Variants in ADARB2 observed in about 807,000 individuals in gnomAD.
ADARB2 encodes the protein inactive double-stranded RNA-specific editase B2.
ADARB2 carries 25 observed loss-of-function variants against 62.2 expected under a neutral mutation model. The ratio of observed to expected loss-of-function variants is 0.40; its 90% CI spans 0.29 to 0.56. ADARB2 has a LOEUF of 0.56. Among genes scored for constraint, ADARB2 ranks in the 20% least tolerant of loss-of-function variants. The probability of loss-of-function intolerance (pLI) is 0.43; values close to 1 mark genes in which losing one functional copy is unlikely to be tolerated. For missense variants in ADARB2, 1,071 were observed against 1,077.4 expected (o/e 0.99, Z 0.08); for synonymous variants, 572 against 500.8 (o/e 1.14, Z -1.90).
chr10:1,412,465 A>ATTG (rs1395094676), intron 1 of ADARB2, among the ~76,000 whole-genome samples: 114 of 152,042 alleles, frequency 7.5e-4, no homozygotes, highest in African/African-American at 2.6e-3. Flanking sequence ...TATTATTATT[A>ATTG]TTTTTGCTTT....
chr10:1,607,450 C>T (rs1833507110), intron 1 of ADARB2, among the ~76,000 whole-genome samples: 1 of 152,206 alleles, frequency 6.6e-6, no homozygotes, highest in African/African-American at 2.4e-5. Flanking sequence ...TTCTCATCAC[C>T]TAATGCTGTG....
chr10:1,568,289 C>T (rs74121066), intron 1 of ADARB2, among the ~76,000 whole-genome samples: 4,941 of 152,198 alleles, frequency 0.032, 269 homozygotes, highest in African/African-American at 0.11. Context: ...TGCCAGGAAA[C>T]GCTCAGCGGG....
chr10:1,369,663 T>A (rs1031398470), intron 2 of ADARB2, among the ~76,000 whole-genome samples: 2 of 151,924 alleles, frequency 1.3e-5, no homozygotes, highest in African/African-American at 4.8e-5. Context: ...AAATACATTT[T>A]AAAAAGTCAG....
intron 1 of ADARB2, among the ~76,000 whole-genome samples, chr10:1,618,126 GGTGTACCTAA>G (rs1228847900): frequency 6.6e-6 from 1 of 152,146 alleles, no homozygotes; most frequent in Non-Finnish European, 1.5e-5. Context: ...TGCCCAAACA[GGTGTACCTAA>G]GTTCCAGCCT....
intron 7 of ADARB2, among the ~76,000 whole-genome samples, chr10:1,211,899 A>C (rs1310955181): frequency 6.6e-6 from 1 of 152,206 alleles, no homozygotes; most frequent in Non-Finnish European, 1.5e-5. Context: ...TTCTAAGTTT[A>C]TGTAATTTAG....
intron 1 of ADARB2, among the ~76,000 whole-genome samples, chr10:1,558,135 G>A (rs1232561344): frequency 2.6e-5 from 4 of 151,956 alleles, no homozygotes; most frequent in African/African-American, 9.7e-5. Context: ...GAACCCTCAC[G>A]TCTCCATCCT....
intron 3 of ADARB2, among the ~76,000 whole-genome samples, chr10:1,324,221 G>C (rs376696937): frequency 6.6e-6 from 1 of 152,194 alleles, no homozygotes; most frequent in Admixed American, 6.5e-5. Flanking sequence ...CACACATCAC[G>C]GAATGGCTGT....
intron 1 of ADARB2, among the ~76,000 whole-genome samples, chr10:1,460,946 G>T (rs1350265902): frequency 6.6e-6 from 1 of 151,922 alleles, no homozygotes; most frequent in African/African-American, 2.4e-5. Flanking sequence ...CCTGCACATG[G>T]ACCCCTGAAC....
intron 1 of ADARB2, among the ~76,000 whole-genome samples, chr10:1,462,981 C>T (rs938999230): frequency 2.7e-5 from 3 of 113,178 alleles, no homozygotes; most frequent in South Asian, 3.0e-4. Context: ...TCCTCCACTC[C>T]GGATGCAGTA....
At chr10:1,222,695 T>A (rs1368085517) in intron 6 of ADARB2, among the ~76,000 whole-genome samples, 1 of 149,554 alleles carries the variant, frequency 6.7e-6, no homozygotes, top group Non-Finnish European at 1.5e-5. Flanking sequence ...TTGCTTGTTT[T>A]TGTCAGGTTT....
At chr10:1,425,068 T>A (rs1832883612) in intron 1 of ADARB2, among the ~76,000 whole-genome samples, 1 of 152,200 alleles carries the variant, frequency 6.6e-6, no homozygotes, top group Non-Finnish European at 1.5e-5. Flanking sequence ...GAAGCCTTGT[T>A]ACAGCTGGAA....
chr10:1,524,524 C>G (rs942279421), intron 1 of ADARB2, among the ~76,000 whole-genome samples: 2 of 152,166 alleles, frequency 1.3e-5, no homozygotes, highest in African/African-American at 4.8e-5. Context: ...TTTTCCTGAG[C>G]CCAAGTTCTA....
At chr10:1,330,704 T>C (rs1831920803) in intron 3 of ADARB2, among the ~76,000 whole-genome samples, 1 of 152,168 alleles carries the variant, frequency 6.6e-6, no homozygotes, top group Admixed American at 6.5e-5. Flanking sequence ...ATTCATTAGC[T>C]AGGACACCAA....
chr10:1,321,537 C>T (rs553176483), intron 3 of ADARB2, among the ~76,000 whole-genome samples: 5 of 152,174 alleles, frequency 3.3e-5, no homozygotes, highest in South Asian at 4.2e-4. Context: ...CTCATCACTG[C>T]GCCCTGCTAA....
chr10:1,347,719 C>T (rs768198047), intron 3 of ADARB2, among the ~76,000 whole-genome samples: 4 of 152,198 alleles, frequency 2.6e-5, no homozygotes, highest in African/African-American at 2.4e-5. Context: ...CAACGCCTCC[C>T]GACAGCGCTC....
At position 1,477,497 on chromosome 10, in the gene ADARB2, C is replaced by T. The variant is rs574672295; in HGVS notation, c.101-98337G>A. On this transcript the variant is annotated intron_variant, in intron 1 of 9. Transcript: ENST00000381312. The surrounding 1 kb of genome is among the most constrained non-coding windows in gnomAD (Gnocchi z 4.5). ...CCATTGCTTTCTTGCAACGTATCTTCGTGCTTTCTCTAATAAATCTGCCTT... is the reference window on the plus strand; with the variant it reads ...CCATTGCTTTCTTGCAACGTATCTTTGTGCTTTCTCTAATAAATCTGCCTT... Among the ~76,000 whole-genome samples, 10 of 152,266 alleles carry T rather than the reference C, an allele frequency of 6.6e-5. No homozygotes were observed. Among genetic ancestry groups the T allele is most frequent in the African/African-American group, 1.7e-4 (7 of 41,560 alleles).
chr10:1,335,630 G>A (rs117720775), intron 3 of ADARB2, among the ~76,000 whole-genome samples: 5,794 of 152,180 alleles, frequency 0.038, 168 homozygotes, highest in Middle Eastern at 0.058. Context: ...GCCACTGGTT[G>A]GGCTATAACA....
chr10:1,549,123 G>A (rs184441370), intron 1 of ADARB2, among the ~76,000 whole-genome samples: 12 of 151,536 alleles, frequency 7.9e-5, no homozygotes, highest in Admixed American at 7.9e-4. Context: ...TCCGGTACAC[G>A]GAGTTCGAAA....
chr10:1,546,035 A>T (rs1025237644), intron 1 of ADARB2, among the ~76,000 whole-genome samples: 1 of 151,028 alleles, frequency 6.6e-6, no homozygotes, highest in Admixed American at 6.6e-5. Flanking sequence ...AGCACCAAGG[A>T]GCTGAAACTC....
Sources: allele counts gnomAD v4.1 joint callset (sites outside exome capture counted in the v4.1 genomes callset), GRCh38; gene constraint gnomAD v4.1.1; non-coding constraint Gnocchi (gnomAD v3.1); transcripts MANE v1.5; gene names NCBI Gene and HGNC (gene_info 2026-07-23, HGNC 2026-07-21).